The following COL4A1 variants were observed in gnomAD, a reference collection of about 807,000 sequenced individuals.
COL4A1 encodes collagen alpha-1(IV) chain.
In COL4A1, 40 loss-of-function variants were observed where a neutral mutation model predicts 216.6. The observed-to-expected ratio is 0.18, with a 90% CI of 0.14 to 0.24. The LOEUF (loss-of-function observed/expected upper bound fraction) is 0.24, where lower values mean the gene tolerates loss of function less well. Ranked by LOEUF, COL4A1 falls within the 10% of genes least tolerant of loss-of-function variation. The pLI is 1.00. For synonymous variants in COL4A1, 839 were observed against 810.7 expected, an observed-to-expected ratio of 1.03 and a Z score of -0.59; for missense variants, 1,628 against 2,196.8, an observed-to-expected ratio of 0.74 and a Z score of 5.18.
At chr13:110,150,588 G>A (rs987357404) in intron 51 of COL4A1, 144 bp from the exon 52 acceptor site, 4 of 798,988 alleles carry the variant, frequency 5.0e-6, no homozygotes, top group Admixed American at 2.0e-5. Context: ...CAGTGAGCAG[G>A]CAGGTGCTGG....
intron 41 of COL4A1, among the ~76,000 whole-genome samples, chr13:110,172,387 A>C (rs929770537): frequency 5.3e-5 from 8 of 152,222 alleles, no homozygotes; most frequent in Admixed American, 5.2e-4. Context: ...ACATAAGTAT[A>C]ACCAGTTCTA....
chr13:110,172,184 G>C (rs546786670), intron 41 of COL4A1, among the ~76,000 whole-genome samples: 1 of 152,352 alleles, frequency 6.6e-6, no homozygotes, highest in African/African-American at 2.4e-5. Flanking sequence ...CTTCTCTTCA[G>C]TGTCGTGCAG....
chr13:110,181,319 A>G lies in COL4A1; in HGVS notation c.2166T>C (p.Pro722=). 1 of 1,613,950 alleles carries G rather than the reference A, an allele frequency of 6.2e-7. No homozygotes were observed. The highest frequency in any genetic ancestry group is 8.5e-7 in the Non-Finnish European group (1 of 1,179,906). The change falls in exon 29 of 52, where the codon CCT becomes CCC. Residue 722 remains proline, a synonymous_variant. Coordinates refer to ENST00000375820, the MANE Select transcript of COL4A1 (RefSeq NM_001845.6). ...TCTGGCCCTGCACACCTGGGTTCCC[A>G]GGTAAGCCATTAAATCCCGGGCGAC... is the stretch of plus-strand genomic sequence containing the variant. The part of the protein sequence containing the change: ...TPGRPGFNGL[P]GNPGVQGQKG...
chr13:110,165,319 G>A (rs993582744), intron 45 of COL4A1, among the ~76,000 whole-genome samples: 11 of 152,098 alleles, frequency 7.2e-5, no homozygotes, highest in Non-Finnish European at 1.6e-4. Context: ...TTCTTCCCAA[G>A]CAGCCCCCGC....
chr13:110,218,572 G>A (rs1018314322), intron 2 of COL4A1, among the ~76,000 whole-genome samples: 18 of 152,342 alleles, frequency 1.2e-4, no homozygotes, highest in Non-Finnish European at 1.8e-4. Flanking sequence ...GTCATGGGAT[G>A]CTGAACTAGC....
chr13:110,288,808 C>T (rs886761432), intron 1 of COL4A1, among the ~76,000 whole-genome samples: 1 of 152,050 alleles, frequency 6.6e-6, no homozygotes. Flanking sequence ...CTGAGGTGGG[C>T]AGATCACGAG....
At chr13:110,263,948 A>AT (rs1882925925) in intron 1 of COL4A1, among the ~76,000 whole-genome samples, 1 of 152,210 alleles carries the variant, frequency 6.6e-6, no homozygotes, top group South Asian at 2.1e-4. Context: ...GTAGGCCAGC[A>AT]TTTTTTCAGA....
At position 110,160,321 on chromosome 13, in the gene COL4A1, A is replaced by C. The variant is rs371141440; in HGVS notation, c.4640+871T>G. Among the ~76,000 whole-genome samples the C allele has an allele frequency of 9.4e-5, 11 of 116,936 alleles. 2 individuals are homozygous for C. In the East Asian group the frequency reaches 2.7e-3, roughly 29 times the overall value. The allele number at this position is 116,936 out of a possible 152,430, so 76.7% of individuals were successfully genotyped here. On this transcript the variant is annotated intron_variant, in intron 49 of 51. Coordinates refer to ENST00000375820, the MANE Select transcript of COL4A1 (RefSeq NM_001845.6). ...GCCGGGCGCGGTGGCGGGCGCCTGT[A>C]GTCCCAGCTACTCGGGAGGCTGAGG...
intron 1 of COL4A1, among the ~76,000 whole-genome samples, chr13:110,272,847 G>C (rs979508487): frequency 1.3e-5 from 2 of 152,212 alleles, no homozygotes; most frequent in African/African-American, 4.8e-5. Context: ...GCTGATGTCA[G>C]AACGTCCGAC....
chr13:110,226,726 T>G (rs866852401), intron 2 of COL4A1, among the ~76,000 whole-genome samples: 4 of 152,356 alleles, frequency 2.6e-5, no homozygotes, highest in South Asian at 4.1e-4. Flanking sequence ...TAACTGAATT[T>G]TAATCTCTTT....
chr13:110,170,025 A>T (rs1023808438), intron 42 of COL4A1, among the ~76,000 whole-genome samples: 39 of 135,868 alleles, frequency 2.9e-4, no homozygotes, highest in African/African-American at 9.2e-4. Flanking sequence ...AAGGTCTGGG[A>T]AGGAAGGAAG....
rs773443475 is a variant in COL4A1 at position 110,178,173 on chromosome 13, C to T, written c.2517G>A (p.Pro839=). 31 of 1,614,046 alleles carry T rather than the reference C, an allele frequency of 1.9e-5. 1 individual carries two copies. Among genetic ancestry groups the T allele is most frequent in the East Asian group, 6.7e-5 (3 of 44,884 alleles). ...GAGCCCCTTTATCTCCTTTAGGGCC[C>T]GGCATGTCCAGTCCAGGGAATCCGG... The part of the protein sequence containing the change: ...GFPGFPGLDM[P]GPKGDKGAQG... Residue 839 remains proline, a synonymous_variant, in exon 32 of 52, where the codon CCG becomes CCA. Transcript: ENST00000375820.
At chr13:110,264,443 C>T (rs1244727581) in intron 1 of COL4A1, among the ~76,000 whole-genome samples, 1 of 152,004 alleles carries the variant, frequency 6.6e-6, no homozygotes, top group Non-Finnish European at 1.5e-5. Context: ...ATCCAAATTC[C>T]CAATAATTCC....
chr13:110,304,758 A>G (rs1884620848), intron 1 of COL4A1, among the ~76,000 whole-genome samples: 1 of 152,226 alleles, frequency 6.6e-6, no homozygotes, highest in South Asian at 2.1e-4. Context: ...TTTCATGAAG[A>G]AAAAACAATA....
chr13:110,252,114 C>T (rs1027664304), intron 1 of COL4A1, among the ~76,000 whole-genome samples: 1 of 152,144 alleles, frequency 6.6e-6, no homozygotes, highest in African/African-American at 2.4e-5. Flanking sequence ...ACCTCCCTCT[C>T]CCGGGTTCAG....
At chr13:110,257,345 AAGGCCATG>A (rs1882622740) in intron 1 of COL4A1, among the ~76,000 whole-genome samples, 1 of 152,250 alleles carries the variant, frequency 6.6e-6, no homozygotes, top group African/African-American at 2.4e-5. Context: ...ACATCCTTCC[AAGGCCATG>A]AGCAAATGTG....
chr13:110,272,802 T>C (rs906177131), intron 1 of COL4A1, among the ~76,000 whole-genome samples: 1 of 152,166 alleles, frequency 6.6e-6, no homozygotes, highest in African/African-American at 2.4e-5. Flanking sequence ...GGAAGCCACA[T>C]TGGAATGTCA....
intron 22 of COL4A1, 40 bp from the exon 23 acceptor site, chr13:110,192,953 G>A: frequency 1.9e-6 from 3 of 1,578,956 alleles, no homozygotes; most frequent in Non-Finnish European, 2.6e-6. Context: ...TGTAACATGT[G>A]ACCAGAAGTC....
chr13:110,199,039 A>G (rs979314102), intron 20 of COL4A1, among the ~76,000 whole-genome samples: 1 of 152,246 alleles, frequency 6.6e-6, no homozygotes, highest in African/African-American at 2.4e-5. Flanking sequence ...TCTAGAAGAA[A>G]GAGCAGAAAA....
Sources: gnomAD v4.1 joint callset for allele counts (sites outside exome capture counted in the v4.1 genomes callset) on GRCh38, gnomAD v4.1.1 for gene constraint, MANE v1.5 for transcripts, NCBI Gene and HGNC (gene_info 2026-07-23, HGNC 2026-07-21) for gene names.